MAPRE3: variants seen among roughly 807,000 people sequenced by gnomAD.
MAPRE3 encodes the protein microtubule associated protein RP/EB family member 3, also known as microtubule-associated protein RP/EB family member 3.
Under a neutral mutation model 30.5 loss-of-function variants are expected in MAPRE3, and 2 were observed. The ratio of observed to expected loss-of-function variants is 0.07; its 90% confidence interval spans 0.03 to 0.21. The LOEUF (loss-of-function observed/expected upper bound fraction) is 0.21. Ranked by LOEUF, MAPRE3 falls within the 10% of genes least tolerant of loss-of-function variation. The pLI is 1.00. For missense variants in MAPRE3, 204 were observed against 351.8 expected, an observed-to-expected ratio of 0.58 and a Z score of 3.36; for synonymous variants, 110 against 127.7, an observed-to-expected ratio of 0.86 and a Z score of 0.93.
At chr2:27,017,589 G>T (rs1450437804) in intron 1 of MAPRE3, among the ~76,000 whole-genome samples, 2 of 152,166 alleles carry the variant, frequency 1.3e-5, no homozygotes, top group Non-Finnish European at 2.9e-5. Flanking sequence ...GCCTTTAGTT[G>T]TGTTCTAAAC....
intron 4 of MAPRE3, 27 bp from the exon 5 acceptor site, chr2:27,025,556 C>T (rs1667219658): frequency 1.9e-6 from 3 of 1,544,146 alleles, no homozygotes; most frequent in African/African-American, 1.4e-5. Flanking sequence ...CTCACGTGGA[C>T]TTACCTGACT....
chr2:27,004,739 A>AG (rs1309974802), intron 1 of MAPRE3, among the ~76,000 whole-genome samples: 1 of 151,870 alleles, frequency 6.6e-6, no homozygotes, highest in Non-Finnish European at 1.5e-5. Context: ...AAAAAAAAAA[A>AG]AAAAAAAGTA....
chr2:27,016,220 G>A (rs1666979552), intron 1 of MAPRE3, among the ~76,000 whole-genome samples: 1 of 152,094 alleles, frequency 6.6e-6, no homozygotes, highest in African/African-American at 2.4e-5. Flanking sequence ...ATGTGCCAAA[G>A]ATCATGGTAG....
intron 1 of MAPRE3, among the ~76,000 whole-genome samples, chr2:27,006,870 G>C (rs774906774): frequency 6.6e-6 from 1 of 152,194 alleles, no homozygotes; most frequent in Non-Finnish European, 1.5e-5. Flanking sequence ...AGAAATAACA[G>C]GACAGAAGAA....
rs528759557 is a variant in MAPRE3, at chr2:26,982,369, C to T, written c.-8+11567C>T. On this transcript the variant is annotated intron_variant, in intron 1 of 6. Transcript: ENST00000233121. The stretch of plus-strand genomic sequence containing the variant: ...GTGGGAATATGTGGAAAGTCAGGTG[C>T]AGGAGTCAACCTGTGGAAACGGAAA... Among the ~76,000 whole-genome samples, 7 of 152,366 alleles carry T rather than the reference C, an allele frequency of 4.6e-5. No individual in the cohort carries two copies. The South Asian group carries it at 1.2e-3, about 27-fold the overall frequency.
At chr2:27,009,583 A>C (rs1666803638) in intron 1 of MAPRE3, among the ~76,000 whole-genome samples, 1 of 152,234 alleles carries the variant, frequency 6.6e-6, no homozygotes, top group Non-Finnish European at 1.5e-5. Context: ...TGTGTACCTG[A>C]AAAGAAAATC....
At position 26,988,687 on chromosome 2, in the gene MAPRE3, G is replaced by A. The variant is rs529202430; in HGVS notation, c.-8+17885G>A. 4.7e-4 allele frequency among the ~76,000 whole-genome samples: 72 copies of A among 152,260 alleles called. No individual in the cohort carries two copies. In the South Asian group the frequency reaches 0.014, roughly 30 times the overall value. On this transcript the variant is annotated intron_variant, in intron 1 of 6. Coordinates refer to ENST00000233121, the MANE Select transcript of MAPRE3 (RefSeq NM_012326.4). ...GAGCGGGGTTCTCAAGTGTAGTCCTGCTGCTGACTCACCAGGAAAGCCAGC... is the reference window on the plus strand; with the variant it reads ...GAGCGGGGTTCTCAAGTGTAGTCCTACTGCTGACTCACCAGGAAAGCCAGC...
intron 1 of MAPRE3, among the ~76,000 whole-genome samples, chr2:26,984,375 A>T (rs945896672): frequency 2.0e-5 from 3 of 152,240 alleles, no homozygotes; most frequent in African/African-American, 7.2e-5. Context: ...TGAATATTCC[A>T]ACTTTTTTCT....
chr2:26,999,197 A>G (rs967555751), intron 1 of MAPRE3, among the ~76,000 whole-genome samples: 1 of 152,198 alleles, frequency 6.6e-6, no homozygotes, highest in African/African-American at 2.4e-5. Flanking sequence ...ATCCTACAGA[A>G]TAGAGATATA....
intron 1 of MAPRE3, among the ~76,000 whole-genome samples, chr2:27,018,595 T>C (rs1191757299): frequency 6.6e-6 from 1 of 152,198 alleles, no homozygotes; most frequent in Non-Finnish European, 1.5e-5. Context: ...ATCTTTTCAA[T>C]TTCTTGCAGT....
At position 27,023,596 on chromosome 2, in the gene MAPRE3, C is replaced by T. The variant is rs1667159289; in HGVS notation, c.267+119C>T. ...ATTCCGGTGCTCGTGCCTCCCTCCACCTCCCGACTCTCCAGAGGGAATTTT... is the reference window on the plus strand; with the variant it reads ...ATTCCGGTGCTCGTGCCTCCCTCCATCTCCCGACTCTCCAGAGGGAATTTT... On this transcript the variant is annotated intron_variant, in intron 3 of 6. Coordinates refer to ENST00000233121, the MANE Select transcript of MAPRE3 (RefSeq NM_012326.4). 2.5e-6 allele frequency: 3 copies of T among 1,210,592 alleles called. No individual in the cohort carries two copies. The South Asian group carries it at 3.7e-5, about 15-fold the overall frequency. The allele number at this position is 1,210,592 out of a possible 1,614,324, so 75.0% of individuals were successfully genotyped here.
At position 27,004,189 on chromosome 2, in the gene MAPRE3, G is replaced by C. The variant is rs371616678; in HGVS notation, c.-7-18023G>C. Among the ~76,000 whole-genome samples, 11 of 152,308 alleles carry C rather than the reference G, an allele frequency of 7.2e-5. No individual in the cohort carries two copies. The East Asian group carries it at 1.9e-3, about 27-fold the overall frequency. ...CATGCCTGGGAGGTCGTGAGAGGCA[G>C]AGCTGGAGTTGGGTGCTGTGGAGTC... is the stretch of plus-strand genomic sequence containing the variant. On this transcript the variant is annotated intron_variant, in intron 1 of 6. Coordinates refer to ENST00000233121, the MANE Select transcript of MAPRE3 (RefSeq NM_012326.4).
rs752161804 is a variant in MAPRE3 at position 27,023,580 on chromosome 2, C to A, written c.267+103C>A. On this transcript the variant is annotated intron_variant, in intron 3 of 6. Coordinates refer to ENST00000233121, the MANE Select transcript of MAPRE3 (RefSeq NM_012326.4). ...TGGGGCTGCTGGGGTCATTCCGGTGCTCGTGCCTCCCTCCACCTCCCGACT... is the reference window on the plus strand; with the variant it reads ...TGGGGCTGCTGGGGTCATTCCGGTGATCGTGCCTCCCTCCACCTCCCGACT... 1.8e-5 allele frequency: 25 copies of A among 1,426,234 alleles called. No homozygotes were observed. The Admixed American group carries it at 4.0e-4, about 23-fold the overall frequency. 88.3% of individuals were successfully genotyped at this position (1,426,234 alleles called of 1,614,324 possible).
intron 1 of MAPRE3, among the ~76,000 whole-genome samples, chr2:26,990,717 T>C (rs1021885572): frequency 6.6e-6 from 1 of 152,256 alleles, no homozygotes; most frequent in African/African-American, 2.4e-5. Flanking sequence ...ATCTACATAC[T>C]ATTTTTATAA....
In MAPRE3 at chr2:27,024,365, C is replaced by G. The variant is rs1014631164; in HGVS notation, c.469+68C>G. 5.6e-6 allele frequency: 8 copies of G among 1,429,392 alleles called. No individual in the cohort carries two copies. The African/African-American group carries it at 1.2e-4, about 21-fold the overall frequency. 88.5% of individuals were successfully genotyped at this position (1,429,392 alleles called of 1,614,324 possible). ...CGGCAGGCCTCTATAGCCAGGAGTGCCCCCTGGGCCACGGCCCGGCCCTGC... is the reference window on the plus strand; with the variant it reads ...CGGCAGGCCTCTATAGCCAGGAGTGGCCCCTGGGCCACGGCCCGGCCCTGC... On this transcript the variant is annotated intron_variant, in intron 4 of 6. Coordinates refer to ENST00000233121, the MANE Select transcript of MAPRE3 (RefSeq NM_012326.4).
At chr2:27,019,143 C>G (rs549499595) in intron 1 of MAPRE3, among the ~76,000 whole-genome samples, 1 of 152,058 alleles carries the variant, frequency 6.6e-6, no homozygotes, top group African/African-American at 2.4e-5. Context: ...TCGGCACCCC[C>G]CTCAGCCTCC....
intron 1 of MAPRE3, among the ~76,000 whole-genome samples, chr2:26,990,991 T>C (rs369712568): frequency 2.6e-4 from 39 of 152,334 alleles, no homozygotes; most frequent in South Asian, 4.1e-4. Flanking sequence ...GGCAGTCTCA[T>C]GCCTGTAATC....
intron 3 of MAPRE3, 158 bp from the exon 4 acceptor site, chr2:27,023,938 C>T (rs968432320): frequency 9.8e-6 from 6 of 612,590 alleles, no homozygotes; most frequent in South Asian, 1.9e-5. Flanking sequence ...TACCAGCCTA[C>T]CTGTCTGCTC....
At chr2:26,997,300 A>G (rs542004518) in intron 1 of MAPRE3, among the ~76,000 whole-genome samples, 21 of 152,294 alleles carry the variant, frequency 1.4e-4, no homozygotes, top group Non-Finnish European at 2.2e-4. Context: ...AGCCCAGGAC[A>G]GCTTTGAATG....
Sources: gnomAD v4.1 joint callset for allele counts (sites outside exome capture counted in the v4.1 genomes callset) on GRCh38, gnomAD v4.1.1 for gene constraint, MANE v1.5 for transcripts, NCBI Gene and HGNC (gene_info 2026-07-23, HGNC 2026-07-21) for gene names.